The following TYRO3 variants were observed in gnomAD, a reference collection of about 807,000 sequenced individuals.
TYRO3 encodes the protein tyrosine-protein kinase receptor TYRO3.
In TYRO3, 38 loss-of-function variants were observed where a neutral mutation model predicts 95.2. The observed-to-expected ratio is 0.40, with a 90% CI of 0.31 to 0.52. The LOEUF (loss-of-function observed/expected upper bound fraction) is 0.52. TYRO3 is among the 20% of genes least tolerant of loss of function. TYRO3 has a pLI of 0.56. For synonymous variants in TYRO3, 367 were observed against 432.9 expected, an observed-to-expected ratio of 0.85 and a Z score of 1.89; for missense variants, 812 against 1,116.4, an observed-to-expected ratio of 0.73 and a Z score of 3.89.
In TYRO3 at chr15:41,564,247, G is replaced by A. The variant is rs1340865770; in HGVS notation, c.644G>A (p.Arg215His). 4 of 1,614,046 alleles carry A rather than the reference G, an allele frequency of 2.5e-6. No homozygotes were observed. The highest frequency in any genetic ancestry group is 1.7e-5 in the Admixed American group (1 of 60,024). ...AHNLKGLASS[R>H]TATVHLQALP... ...AACCTAAAAGGCCTGGCCTCTTCTC[G>A]CACAGCCACTGTTCACCTTCAAGGT... The change falls in exon 5 of 19, where the codon CGC becomes CAC. Residue 215 changes from arginine (R) to histidine (H), a missense_variant. Arg to His is a conservative substitution (Grantham distance 29). Coordinates refer to ENST00000263798, the MANE Select transcript of TYRO3 (RefSeq NM_006293.4).
chr15:41,570,764 C>T, intron 12 of TYRO3, 65 bp downstream of exon 12: 2 of 1,500,328 alleles, frequency 1.3e-6, no homozygotes, highest in South Asian at 2.3e-5. Context: ...TTGGTTGCCC[C>T]TGTCACTTTG....
At position 41,561,178 on chromosome 15, in the gene TYRO3, C is replaced by T. The variant is rs376745245; in HGVS notation, c.176C>T (p.Pro59Leu). 26 of 1,614,096 alleles carry T rather than the reference C, an allele frequency of 1.6e-5. No individual in the cohort carries two copies. Among genetic ancestry groups the T allele is most frequent in the Non-Finnish European group, 1.7e-5 (20 of 1,180,046 alleles). Residue 59 changes from proline to leucine, a missense_variant, in exon 2 of 19, where the codon CCG (proline) becomes CTG (leucine). Physicochemically the swap from Pro to Leu is moderately conservative, Grantham distance 98. Transcript: ENST00000263798. ...PVKLTVSQGQ[P>L]VKLNCSVEGM... ...AAGCTGACAGTGTCTCAGGGGCAGC[C>T]GGTGAAGCTCAACTGCAGTGTGGAG...
chr15:41,580,516 A>G lies in TYRO3; in HGVS notation c.*2240A>G, dbSNP rs1438564297. 1 of 152,164 alleles carries G rather than the reference A, an allele frequency of 6.6e-6. No homozygotes were observed. Among genetic ancestry groups the G allele is most frequent in the Non-Finnish European group, 1.5e-5 (1 of 68,042 alleles). The allele number at this position is 152,164 out of a possible 1,614,324, so 9.4% of individuals were successfully genotyped here. ...CCATCTCAAAAATAAAATAAAAATA[A>G]AAATGCAAAAAATAATAAAAGGTGC... On this transcript the variant is annotated 3_prime_UTR_variant, in exon 19 of 19. Transcript: ENST00000263798.
rs1205479315 is a variant in TYRO3, at chr15:41,578,304, T to C, written c.*28T>C. On this transcript the variant is annotated 3_prime_UTR_variant, in exon 19 of 19. Transcript: ENST00000263798. ...CACAGGCAGAGGGCATCGGGGCCATTTGGCCGGCTCTGGTGGCCACTGAGC... is the reference window on the plus strand; with the variant it reads ...CACAGGCAGAGGGCATCGGGGCCATCTGGCCGGCTCTGGTGGCCACTGAGC... 12 of 1,612,384 alleles carry C rather than the reference T, an allele frequency of 7.4e-6. No homozygotes were observed. The highest frequency in any genetic ancestry group is 1.0e-5 in the Non-Finnish European group (12 of 1,179,754).
At chr15:41,560,282 G>C (rs1566897231) in intron 1 of TYRO3, among the ~76,000 whole-genome samples, 1 of 152,150 alleles carries the variant, frequency 6.6e-6, no homozygotes. Flanking sequence ...TTTGCCTAGA[G>C]TCACACAGCA....
chr15:41,560,428 T>TGTGTGCGCGC (rs1408766845), intron 1 of TYRO3, among the ~76,000 whole-genome samples: 157 of 135,292 alleles, frequency 1.2e-3, no homozygotes, highest in South Asian at 1.4e-3. Flanking sequence ...TGTGTGTGTG[T>TGTGTGCGCGC]GCGCGCGCGC....
In TYRO3 at chr15:41,582,662, A is replaced by G. The variant is rs2140841580; in HGVS notation, c.*4386A>G. The G allele has an allele frequency of 6.6e-6, 1 of 152,308 alleles. No individual in the cohort carries two copies. The highest frequency in any genetic ancestry group is 1.9e-4 in the East Asian group (1 of 5,188). The allele number at this position is 152,308 out of a possible 1,614,324, so 9.4% of individuals were successfully genotyped here. On this transcript the variant is annotated 3_prime_UTR_variant, in exon 19 of 19. Transcript: ENST00000263798. ...GTGCCATGGCACTCCAGCCTGGACA[A>G]GAGTGAGACTCCATCTCAAAAAAGA... is the stretch of plus-strand genomic sequence containing the variant.
At chr15:41,566,838 C>T (rs1566900232) in intron 6 of TYRO3, among the ~76,000 whole-genome samples, 1 of 152,172 alleles carries the variant, frequency 6.6e-6, no homozygotes, top group Non-Finnish European at 1.5e-5. Context: ...AGTTTGTTAG[C>T]TGATTTATAA....
At position 41,583,236 on chromosome 15, in the gene TYRO3, T is replaced by C. The variant is rs1216991797; in HGVS notation, c.*4960T>C. On this transcript the variant is annotated 3_prime_UTR_variant, in exon 19 of 19. Transcript: ENST00000263798. ...TGGTCTCGATCTCCTGACCTCGTGA[T>C]CTGCCCGCCTCAGCCTCCCAAAGTG... 1 of 152,172 alleles carries C rather than the reference T, an allele frequency of 6.6e-6. No homozygotes were observed. Among genetic ancestry groups the C allele is most frequent in the Non-Finnish European group, 1.5e-5 (1 of 68,074 alleles). The allele number at this position is 152,172 out of a possible 1,614,324, so 9.4% of individuals were successfully genotyped here.
intron 1 of TYRO3, among the ~76,000 whole-genome samples, 161 bp from the exon 2 acceptor site, chr15:41,560,966 A>T (rs1020685974): frequency 6.6e-6 from 1 of 152,210 alleles, no homozygotes; most frequent in African/African-American, 2.4e-5. Flanking sequence ...GCCCAGGTCC[A>T]GCGACCTTCC....
chr15:41,577,303 TATTTA>T (rs1056175282), intron 18 of TYRO3: 12 of 152,166 alleles, frequency 7.9e-5, no homozygotes, highest in African/African-American at 2.9e-4. Flanking sequence ...ATTTTTTATT[TATTTA>T]ATTTAATTAA....
chr15:41,567,875 A>G (rs1200341), intron 7 of TYRO3, among the ~76,000 whole-genome samples: 28,467 of 152,216 alleles, frequency 0.19, 3,845 homozygotes, highest in African/African-American at 0.38. Flanking sequence ...CACTGCCGGA[A>G]GAAGGCACAG....
At chr15:41,564,414 C>G (rs1227971124) in intron 5 of TYRO3, 144 bp downstream of exon 5, 3 of 757,482 alleles carry the variant, frequency 4.0e-6, no homozygotes, top group Non-Finnish European at 6.6e-6. Context: ...GGCATAGCTC[C>G]CATTCCTAGT....
chr15:41,560,452 C>T (rs1464813461), intron 1 of TYRO3, among the ~76,000 whole-genome samples: 4 of 148,870 alleles, frequency 2.7e-5, no homozygotes, highest in African/African-American at 1.0e-4. Context: ...CGCGCTCGCA[C>T]GCAAGTTCCA....
chr15:41,559,765 A>G (rs553796711), intron 1 of TYRO3, among the ~76,000 whole-genome samples: 1 of 151,946 alleles, frequency 6.6e-6, no homozygotes, highest in South Asian at 2.1e-4. Context: ...CGGAAACCAC[A>G]CGGGCCGGGG....
intron 17 of TYRO3, 57 bp from the exon 18 acceptor site, chr15:41,573,622 C>G: frequency 6.9e-7 from 1 of 1,453,960 alleles, no homozygotes; most frequent in Non-Finnish European, 9.4e-7. Flanking sequence ...CCATGGCTCT[C>G]TGCCTGGCTC....
In TYRO3 at chr15:41,562,845, C is replaced by T. The variant is rs370921432; in HGVS notation, c.580+127C>T. 780 of 956,618 alleles carry T rather than the reference C, an allele frequency of 8.2e-4. 6 individuals are homozygous for T. In the South Asian group the frequency reaches 8.6e-3, roughly 11 times the overall value. 59.3% of individuals were successfully genotyped at this position (956,618 alleles called of 1,614,324 possible). A position where few individuals can be genotyped will look rare whatever the true frequency, so the allele number is the denominator to read the frequency against. The stretch of plus-strand genomic sequence containing the variant: ...CAGAGCAAGCCCCAGTGTCTGGGGA[C>T]GTGAGCTGCACCATTACTAAGCTCA... On this transcript the variant is annotated intron_variant, in intron 4 of 18. Transcript: ENST00000263798.
chr15:41,562,234 C>G, intron 3 of TYRO3: 1 of 236,294 alleles, frequency 4.2e-6, no homozygotes, highest in Non-Finnish European at 8.1e-6. Flanking sequence ...GCCTGTAGTC[C>G]CAGCTACTCC....
Position 41,570,618 on chromosome 15 carries a change from A to G in TYRO3, c.1498A>G (p.Ile500Val), listed in dbSNP as rs2055783213. 6.2e-7 allele frequency: 1 copy of G among 1,614,034 alleles called. No individual in the cohort carries two copies. Among genetic ancestry groups the G allele is most frequent in the South Asian group, 1.1e-5 (1 of 91,090 alleles). The change falls in exon 12 of 19, where the codon ATC becomes GTC. Residue 500 changes from isoleucine to valine, a missense_variant. Ile to Val is a conservative substitution (Grantham distance 29). Transcript: ENST00000263798. ...TTTCCCCACAGTGGACAGCTTGGGC[A>G]TCAGCGATGAACTAAAGGAAAAACT... ...RIEATLDSLGISDELKEKLED... is the reference protein window; with the variant it reads ...RIEATLDSLGVSDELKEKLED...
Sources: gnomAD v4.1 joint callset for allele counts (sites outside exome capture counted in the v4.1 genomes callset) on GRCh38, gnomAD v4.1.1 for gene constraint, MANE v1.5 for transcripts, NCBI Gene and HGNC (gene_info 2026-07-23, HGNC 2026-07-21) for gene names.